Variants in LNPEP observed in about 807,000 individuals in gnomAD.
LNPEP encodes the protein leucyl and cystinyl aminopeptidase.
Under a neutral mutation model 120.6 loss-of-function variants are expected in LNPEP, and 64 were observed. That is an observed-to-expected ratio of 0.53 (90% CI 0.43 to 0.65). The LOEUF is 0.65. Among genes scored for constraint, LNPEP ranks in the 30% least tolerant of loss-of-function variants. The pLI, the probability that LNPEP is intolerant of heterozygous loss-of-function variation, is 0.00. For synonymous variants in LNPEP, 435 were observed against 425.4 expected (o/e 1.02, Z -0.28); for missense variants, 1,057 against 1,200.0 (o/e 0.88, Z 1.76).
At chr5:96,973,998 C>T (rs1789934548) in intron 1 of LNPEP, among the ~76,000 whole-genome samples, 2 of 152,296 alleles carry the variant, frequency 1.3e-5, no homozygotes, top group South Asian at 4.1e-4. Flanking sequence ...TCTCTGTCTC[C>T]TACCTCTGCT....
intron 13 of LNPEP, among the ~76,000 whole-genome samples, chr5:97,015,557 G>A (rs1479905094): frequency 1.3e-5 from 2 of 152,086 alleles, no homozygotes; most frequent in South Asian, 2.1e-4. Flanking sequence ...TCTTTGCAAA[G>A]CACTAAAGGA....
At chr5:97,015,137 A>G in intron 13 of LNPEP, 42 bp downstream of exon 13, 2 of 1,426,328 alleles carry the variant, frequency 1.4e-6, no homozygotes, top group Non-Finnish European at 1.9e-6. Flanking sequence ...TTTATCTTTA[A>G]TATTGTTATT....
rs148481346 is a variant in LNPEP at position 97,010,386 on chromosome 5, T to A, written c.2036-3262T>A. On this transcript the variant is annotated intron_variant, in intron 11 of 17. Coordinates refer to ENST00000231368, the MANE Select transcript of LNPEP (RefSeq NM_005575.3). ...TTAGGATGAAAGAAGGAAGGGCATA[T>A]AGTAATTAAAATATTTATCATGTGC... 7.7e-5 allele frequency: 76 copies of A among 984,884 alleles called. No homozygotes were observed. In the East Asian group the frequency reaches 5.4e-3, roughly 71 times the overall value. The allele number at this position is 984,884 out of a possible 1,614,324, so 61.0% of individuals were successfully genotyped here.
chr5:97,034,227 A>G lies in LNPEP; in HGVS notation c.*5694A>G, dbSNP rs974672473. On this transcript the variant is annotated 3_prime_UTR_variant, in exon 18 of 18. Coordinates refer to ENST00000231368, the MANE Select transcript of LNPEP (RefSeq NM_005575.3). The stretch of plus-strand genomic sequence containing the variant: ...GTGTGCACTTTTAGAAATGTATATA[A>G]ATGTTCTTGCTCCTTTTTCCTGTTA... The G allele has an allele frequency of 6.6e-6, 1 of 151,896 alleles. No individual in the cohort carries two copies. Among genetic ancestry groups the G allele is most frequent in the African/African-American group, 2.4e-5 (1 of 41,368 alleles). 9.4% of individuals were successfully genotyped at this position (151,896 alleles called of 1,614,324 possible). A position where few individuals can be genotyped will look rare whatever the true frequency, so the allele number is the denominator to read the frequency against.
At position 97,003,451 on chromosome 5, in the gene LNPEP, A is replaced by G. The variant is rs1790702658; in HGVS notation, c.1690A>G (p.Ser564Gly). Residue 564 changes from serine to glycine, a missense_variant, in exon 9 of 18, where the codon AGT (serine) becomes GGT (glycine). Physicochemically the swap from Ser to Gly is moderately conservative, Grantham distance 56. Coordinates refer to ENST00000231368, the MANE Select transcript of LNPEP (RefSeq NM_005575.3). ...CTTGTTGATGTTGAAAACTTACCTT[A>G]GTGAAGATGTGTTTCAACATGCTGT... ...SLLLMLKTYLSEDVFQHAVVL... is the reference protein window; with the variant it reads ...SLLLMLKTYLGEDVFQHAVVL... The G allele has an allele frequency of 1.3e-6, 2 of 1,591,918 alleles. No homozygotes were observed. The highest frequency in any genetic ancestry group is 1.7e-6 in the Non-Finnish European group (2 of 1,165,418).
At chr5:96,969,184 T>C (rs976818515) in intron 1 of LNPEP, among the ~76,000 whole-genome samples, 2 of 151,998 alleles carry the variant, frequency 1.3e-5, no homozygotes, top group Admixed American at 1.3e-4. Context: ...GTTTCCCTTT[T>C]TAAGAAAGAA....
At position 96,997,285 on chromosome 5, in the gene LNPEP, G is replaced by A. The variant is rs544670630; in HGVS notation, c.1522-729G>A. Among the ~76,000 whole-genome samples, 57 of 152,182 alleles carry A rather than the reference G, an allele frequency of 3.7e-4. 1 individual carries two copies. The South Asian group carries it at 0.011, about 30-fold the overall frequency. ...GCTTTTAAAACAGAAGTACTCTTAA[G>A]AGCTTTTGATTTGAAATTTTAGATA... On this transcript the variant is annotated intron_variant, in intron 7 of 17. Transcript: ENST00000231368.
chr5:96,997,111 G>A (rs1478127298), intron 7 of LNPEP, among the ~76,000 whole-genome samples: 1 of 152,150 alleles, frequency 6.6e-6, no homozygotes, highest in African/African-American at 2.4e-5. Flanking sequence ...AATATTTCCA[G>A]TACTTAGGGA....
At chr5:97,018,214 G>A (rs1791111064) in intron 13 of LNPEP, among the ~76,000 whole-genome samples, 1 of 152,086 alleles carries the variant, frequency 6.6e-6, no homozygotes, top group African/African-American at 2.4e-5. Flanking sequence ...GGCAATGTTA[G>A]TTCTGAATAT....
chr5:97,002,619 G>T (rs1388554099), intron 8 of LNPEP, among the ~76,000 whole-genome samples: 1 of 152,148 alleles, frequency 6.6e-6, no homozygotes, highest in Non-Finnish European at 1.5e-5. Context: ...TATGTAGTGG[G>T]CATTGTTTTT....
At chr5:96,996,622 A>G in intron 7 of LNPEP, 119 bp downstream of exon 7, 2 of 615,342 alleles carry the variant, frequency 3.3e-6, no homozygotes. Flanking sequence ...AGGTATGCCA[A>G]ACTTGACTTT....
At chr5:97,026,182 T>A (rs1372074593) in intron 15 of LNPEP, among the ~76,000 whole-genome samples, 1 of 152,206 alleles carries the variant, frequency 6.6e-6, no homozygotes, top group Non-Finnish European at 1.5e-5. Context: ...AAATGTTTGC[T>A]ACGAACATTA....
intron 1 of LNPEP, chr5:96,958,399 C>T (rs1033733201): frequency 2.6e-6 from 2 of 783,534 alleles, no homozygotes; most frequent in African/African-American, 3.8e-5. Flanking sequence ...AATTGAATTA[C>T]CTAATAGCTA....
rs1443092771 is a variant in LNPEP at position 97,036,288 on chromosome 5, T to C, written c.*7755T>C. On this transcript the variant is annotated 3_prime_UTR_variant, in exon 18 of 18. Coordinates refer to ENST00000231368, the MANE Select transcript of LNPEP (RefSeq NM_005575.3). The stretch of plus-strand genomic sequence containing the variant: ...ATCCCCCACATGTGGCAAGACAAGT[T>C]GGCCCTTTCTTACCCAGAGGTCTTT... The C allele has an allele frequency of 2.0e-5, 3 of 152,172 alleles. No homozygotes were observed. Among genetic ancestry groups the C allele is most frequent in the Admixed American group, 2.0e-4 (3 of 15,264 alleles). The allele number at this position is 152,172 out of a possible 1,614,324, so 9.4% of individuals were successfully genotyped here. A position where few individuals can be genotyped will look rare whatever the true frequency, so the allele number is the denominator to read the frequency against.
intron 16 of LNPEP, 71 bp downstream of exon 16, chr5:97,026,828 T>TA: frequency 7.4e-7 from 1 of 1,348,724 alleles, no homozygotes; most frequent in African/African-American, 1.5e-5. Flanking sequence ...TCCCAGTGTT[T>TA]TGGCTCACAG....
intron 8 of LNPEP, 119 bp downstream of exon 8, chr5:96,998,264 G>C: frequency 1.2e-6 from 1 of 802,278 alleles, no homozygotes; most frequent in Non-Finnish European, 1.9e-6. Context: ...GGTATTAATG[G>C]TAAACTATAA....
chr5:97,005,548 G>A lies in LNPEP; in HGVS notation c.1786-525G>A, dbSNP rs1790759230. Among the ~76,000 whole-genome samples the A allele has an allele frequency of 2.0e-5, 3 of 152,250 alleles. No homozygotes were observed. The South Asian group carries it at 6.2e-4, about 32-fold the overall frequency. On this transcript the variant is annotated intron_variant, in intron 9 of 17. Transcript: ENST00000231368. ...GTTCATATGTCACTCTTCTGCTGCC[G>A]CTGCTCCCTGGCACTCCCACAGTAT...
chr5:97,008,897 C>T (rs1298749176), intron 11 of LNPEP, among the ~76,000 whole-genome samples: 2 of 151,980 alleles, frequency 1.3e-5, no homozygotes, highest in East Asian at 1.9e-4. Context: ...CGTGATCCGC[C>T]CACCTCGGCC....
chr5:97,015,591 AC>A (rs1027757243), intron 13 of LNPEP, among the ~76,000 whole-genome samples: 9 of 152,166 alleles, frequency 5.9e-5, no homozygotes, highest in African/African-American at 1.9e-4. Flanking sequence ...AGACCATTTT[AC>A]CTTTCTTAAT....
Sources: allele counts gnomAD v4.1 joint callset (sites outside exome capture counted in the v4.1 genomes callset), GRCh38; gene constraint gnomAD v4.1.1; transcripts MANE v1.5; gene names NCBI Gene and HGNC (gene_info 2026-07-23, HGNC 2026-07-21).